The following RANBP17 variants were observed in gnomAD, a reference collection of about 807,000 sequenced individuals.
RANBP17 encodes the protein ran-binding protein 17.
A neutral mutation model predicts 141.2 loss-of-function variants in RANBP17; 158 were observed. That is an observed-to-expected ratio of 1.12 (90% CI 0.98 to 1.28). RANBP17 has a LOEUF of 1.28. Among genes scored for constraint, RANBP17 ranks in the 50% most tolerant of loss-of-function variants. The probability of loss-of-function intolerance (pLI) is 0.00; values close to 1 mark genes in which losing one functional copy is unlikely to be tolerated. For missense variants in RANBP17, 1,438 were observed against 1,290.7 expected, an observed-to-expected ratio of 1.11 and a Z score of -1.75; for synonymous variants, 430 against 450.0, an observed-to-expected ratio of 0.96 and a Z score of 0.56.
chr5:171,285,635 G>A (rs1402776672), intron 25 of RANBP17, among the ~76,000 whole-genome samples: 1 of 152,156 alleles, frequency 6.6e-6, no homozygotes, highest in Non-Finnish European at 1.5e-5. Flanking sequence ...TTATTTTAAT[G>A]CAGCAAGCTG....
intron 14 of RANBP17, among the ~76,000 whole-genome samples, chr5:171,046,365 C>T (rs1029247422): frequency 1.3e-5 from 2 of 151,796 alleles, no homozygotes; most frequent in African/African-American, 2.4e-5. Context: ...CGCTCCACCA[C>T]GTCCAGCTAA....
chr5:171,061,203 G>C (rs1256337290), intron 14 of RANBP17, among the ~76,000 whole-genome samples: 5 of 150,858 alleles, frequency 3.3e-5, no homozygotes, highest in African/African-American at 4.8e-5. Context: ...CCTTCTGCTA[G>C]CTTTTGAATG....
chr5:171,276,987 C>A (rs1232945259), intron 25 of RANBP17, among the ~76,000 whole-genome samples: 3 of 147,440 alleles, frequency 2.0e-5, no homozygotes, highest in African/African-American at 7.4e-5. Flanking sequence ...AAATACTAAC[C>A]CCAACTCTGG....
intron 3 of RANBP17, among the ~76,000 whole-genome samples, chr5:170,887,613 A>T (rs531035214): frequency 6.6e-6 from 1 of 152,050 alleles, no homozygotes; most frequent in Non-Finnish European, 1.5e-5. Context: ...AGATCAATTG[A>T]CTGTATTTAT....
chr5:171,102,687 G>A (rs1313252412), intron 14 of RANBP17, among the ~76,000 whole-genome samples: 1 of 151,878 alleles, frequency 6.6e-6, no homozygotes, highest in Non-Finnish European at 1.5e-5. Flanking sequence ...CAGGTTTTTG[G>A]CATTTTCAGC....
intron 1 of RANBP17, among the ~76,000 whole-genome samples, chr5:170,868,109 C>T (rs1374726993): frequency 6.6e-6 from 1 of 152,152 alleles, no homozygotes; most frequent in Non-Finnish European, 1.5e-5. Flanking sequence ...AAAAATAACT[C>T]ATCATTTAGG....
chr5:171,206,933 CT>C (rs1581024031), intron 20 of RANBP17: 3 of 183,104 alleles, frequency 1.6e-5, no homozygotes, highest in Non-Finnish European at 3.5e-5. Flanking sequence ...CATGGAAAGT[CT>C]TAAAATTCTC....
chr5:171,026,545 A>G (rs1255802780), intron 14 of RANBP17, among the ~76,000 whole-genome samples: 1 of 152,142 alleles, frequency 6.6e-6, no homozygotes, highest in East Asian at 1.9e-4. Context: ...ATCTAGACAT[A>G]CCAGCTTATA....
intron 5 of RANBP17, chr5:170,897,330 G>T: frequency 1.8e-6 from 1 of 569,476 alleles, no homozygotes; most frequent in Non-Finnish European, 3.3e-6. Context: ...TCAGGATCTG[G>T]GCTTGGCACA....
intron 14 of RANBP17, among the ~76,000 whole-genome samples, chr5:171,021,289 C>G (rs1292720078): frequency 6.6e-6 from 1 of 152,114 alleles, no homozygotes; most frequent in Non-Finnish European, 1.5e-5. Context: ...GTGGTGTTCT[C>G]TGTATTTCCT....
intron 11 of RANBP17, among the ~76,000 whole-genome samples, chr5:170,920,926 C>G (rs1421525963): frequency 1.3e-5 from 2 of 152,138 alleles, no homozygotes; most frequent in African/African-American, 4.8e-5. Flanking sequence ...CCTTTGCCCA[C>G]TTTTTGATGG....
Position 171,298,933 on chromosome 5 carries a change from G to T in RANBP17, c.*75G>T. 8.8e-7 allele frequency: 1 copy of T among 1,133,186 alleles called. No individual in the cohort carries two copies. 70.2% of individuals were successfully genotyped at this position (1,133,186 alleles called of 1,614,324 possible). On this transcript the variant is annotated 3_prime_UTR_variant, in exon 28 of 28. Transcript: ENST00000523189. ...AAGGTCTGGGTCTCAGGACAGTGAT[G>T]TTGGCTAGCCCAGGGGAATGTATTT... is the stretch of plus-strand genomic sequence containing the variant.
intron 14 of RANBP17, among the ~76,000 whole-genome samples, chr5:171,029,603 C>T (rs1781433160): frequency 1.3e-5 from 2 of 152,036 alleles, no homozygotes; most frequent in South Asian, 2.1e-4. Flanking sequence ...CTTCTATATG[C>T]TAGTAATAAG....
intron 14 of RANBP17, among the ~76,000 whole-genome samples, chr5:171,138,539 C>CAAA (rs532709660): frequency 0.068 from 6,678 of 97,812 alleles, 203 homozygotes; most frequent in East Asian, 0.13. Flanking sequence ...TTCCCTACTG[C>CAAA]AAAAAAAAAA....
chr5:170,925,914 G>C (rs1346040040), intron 12 of RANBP17, among the ~76,000 whole-genome samples: 1 of 152,048 alleles, frequency 6.6e-6, no homozygotes, highest in African/African-American at 2.4e-5. Flanking sequence ...TACGTTGTTT[G>C]AATGTACCTC....
chr5:171,108,648 G>A (rs896154368), intron 14 of RANBP17, among the ~76,000 whole-genome samples: 1 of 152,102 alleles, frequency 6.6e-6, no homozygotes, highest in Non-Finnish European at 1.5e-5. Flanking sequence ...CTGAACTCAA[G>A]TGATCCACCC....
intron 14 of RANBP17, among the ~76,000 whole-genome samples, chr5:171,017,202 G>A (rs1420463532): frequency 6.6e-6 from 1 of 152,108 alleles, no homozygotes; most frequent in Non-Finnish European, 1.5e-5. Flanking sequence ...TGTAAATAGT[G>A]CTGCAATAAA....
At chr5:171,254,654 T>C (rs1169290143) in intron 24 of RANBP17, among the ~76,000 whole-genome samples, 1 of 152,212 alleles carries the variant, frequency 6.6e-6, no homozygotes, top group Non-Finnish European at 1.5e-5. Context: ...ACATAATATA[T>C]GTAAACCATT....
intron 14 of RANBP17, chr5:171,143,570 A>G (rs1483668576): frequency 2.0e-5 from 3 of 152,114 alleles, no homozygotes; most frequent in Non-Finnish European, 4.4e-5. Context: ...GATACGAATT[A>G]CCTTTCCAAG....
Sources: allele counts gnomAD v4.1 joint callset (sites outside exome capture counted in the v4.1 genomes callset), GRCh38; gene constraint gnomAD v4.1.1; transcripts MANE v1.5; gene names NCBI Gene and HGNC (gene_info 2026-07-23, HGNC 2026-07-21).